Variants in EP300 observed in about 807,000 individuals in gnomAD.
The protein encoded by EP300 is EP300 lysine acetyltransferase, also known as histone acetyltransferase p300.
EP300 carries 31 observed loss-of-function variants against 264.0 expected under a neutral mutation model. The ratio of observed to expected loss-of-function variants is 0.12; its 90% CI spans 0.09 to 0.16. The LOEUF (loss-of-function observed/expected upper bound fraction) is 0.16, where lower values mean the gene tolerates loss of function less well. Ranked by LOEUF, EP300 falls within the 10% of genes least tolerant of loss-of-function variation. The probability of loss-of-function intolerance (pLI) is 1.00; values close to 1 mark genes in which losing one functional copy is unlikely to be tolerated. For missense variants in EP300, 2,766 were observed against 3,052.9 expected, an observed-to-expected ratio of 0.91 and a Z score of 2.21; for synonymous variants, 1,340 against 1,045.4, an observed-to-expected ratio of 1.28 and a Z score of -5.44.
At chr22:41,157,073 C>T (rs2059081415) in intron 17 of EP300, 96 bp from the exon 18 acceptor site, 3 of 1,509,610 alleles carry the variant, frequency 2.0e-6, no homozygotes, top group African/African-American at 2.8e-5. Flanking sequence ...GAAACTAAAA[C>T]ACTGCCTGGA....
At chr22:41,141,602 CATA>C (rs1279521949) in intron 10 of EP300, among the ~76,000 whole-genome samples, 1 of 151,970 alleles carries the variant, frequency 6.6e-6, no homozygotes, top group Non-Finnish European at 1.5e-5. Flanking sequence ...CTGTAACACA[CATA>C]ATATCATATT....
At chr22:41,110,117 G>GGCCCC (rs1332250880) in intron 1 of EP300, among the ~76,000 whole-genome samples, 1 of 65,514 alleles carries the variant, frequency 1.5e-5, no homozygotes. Context: ...CCTGTTCCCT[G>GGCCCC]CCCCCCCCCC....
At chr22:41,102,589 G>A in intron 1 of EP300, among the ~76,000 whole-genome samples, 1 of 152,132 alleles carries the variant, frequency 6.6e-6, no homozygotes, top group Middle Eastern at 3.2e-3. Flanking sequence ...AATGGATGGG[G>A]CAGAATTGTG....
intron 3 of EP300, chr22:41,126,338 C>A (rs1053031661): frequency 3.0e-6 from 1 of 336,594 alleles, no homozygotes; most frequent in Non-Finnish European, 5.5e-6. Context: ...CGTTTCCATA[C>A]GATACGAAAG....
intron 29 of EP300, among the ~76,000 whole-genome samples, chr22:41,174,191 G>T (rs2059187156): frequency 6.6e-6 from 1 of 152,172 alleles, no homozygotes. Context: ...CAGCACTTTG[G>T]AGGTTGAGGC....
intron 2 of EP300, among the ~76,000 whole-genome samples, chr22:41,121,473 C>G (rs141687763): frequency 2.4e-4 from 37 of 152,210 alleles, no homozygotes; most frequent in African/African-American, 8.9e-4. Flanking sequence ...CTCAGCAGAT[C>G]TGTGTGGGAG....
intron 6 of EP300, among the ~76,000 whole-genome samples, chr22:41,133,154 C>CT (rs1474465026): frequency 1.0e-4 from 5 of 47,952 alleles, no homozygotes; most frequent in African/African-American, 2.8e-4. Flanking sequence ...TAAGATTATC[C>CT]CCCCCCCCAC....
intron 23 of EP300, among the ~76,000 whole-genome samples, chr22:41,167,584 G>GTATGTA (rs2059143930): frequency 8.7e-5 from 3 of 34,502 alleles, no homozygotes; most frequent in African/African-American, 3.2e-4. Context: ...GTGTGTGTGT[G>GTATGTA]TATATATATA....
intron 6 of EP300, among the ~76,000 whole-genome samples, chr22:41,133,270 G>A (rs1341618908): frequency 6.7e-6 from 1 of 149,732 alleles, no homozygotes; most frequent in Non-Finnish European, 1.5e-5. Flanking sequence ...AGTTCTTCCT[G>A]CCTCAGCCTC....
chr22:41,140,897 C>A, intron 9 of EP300, 151 bp from the exon 10 acceptor site: 1 of 700,058 alleles, frequency 1.4e-6, no homozygotes, highest in African/African-American at 1.8e-5. Flanking sequence ...AGATTCTCTA[C>A]ATAAGTTGAA....
intron 16 of EP300, among the ~76,000 whole-genome samples, chr22:41,153,192 C>G (rs1184044568): frequency 6.6e-6 from 1 of 152,146 alleles, no homozygotes; most frequent in Non-Finnish European, 1.5e-5. Flanking sequence ...GCAGAGTGCT[C>G]AAATCCAGCC....
intron 8 of EP300, 47 bp downstream of exon 8, chr22:41,137,837 C>G (rs1009528270): frequency 1.9e-6 from 3 of 1,613,016 alleles, no homozygotes; most frequent in Non-Finnish European, 2.5e-6. Flanking sequence ...GATGTTACGT[C>G]AACATGTTTT....
intron 28 of EP300, among the ~76,000 whole-genome samples, chr22:41,173,411 T>TAAA (rs750588912): frequency 2.6e-5 from 4 of 152,168 alleles, no homozygotes; most frequent in African/African-American, 4.8e-5. Context: ...GGCAAAAAGC[T>TAAA]AAAGGGCTGC....
rs1360412888 is a variant in EP300, at chr22:41,176,398, T to A, written c.4931T>A (p.Leu1644His). 1 of 1,614,154 alleles carries A rather than the reference T, an allele frequency of 6.2e-7. No individual in the cohort carries two copies. Among genetic ancestry groups the A allele is most frequent in the South Asian group, 1.1e-5 (1 of 91,084 alleles). Residue 1644 changes from leucine (L) to histidine (H), a missense_variant, in exon 30 of 31, where the codon CTC (leucine) becomes CAC (histidine). Transcript: ENST00000263253. ...ARDKHLEFSS[L>H]RRAQWSTMCM... is the part of the protein sequence containing the mutation. ...GACAAGCACCTGGAGTTCTCTTCAC[T>A]CCGAAGAGCCCAGTGGTCCACCATG...
chr22:41,155,721 T>C (rs1230579788), intron 17 of EP300, among the ~76,000 whole-genome samples: 2 of 152,238 alleles, frequency 1.3e-5, no homozygotes, highest in African/African-American at 4.8e-5. Context: ...AATTGGAACA[T>C]ACAGTATGTG....
In EP300 at chr22:41,168,796, T is replaced by C. The variant is rs745597099; in HGVS notation, c.4101T>C (p.Asp1367=). 7 of 1,614,170 alleles carry C rather than the reference T, an allele frequency of 4.3e-6. No individual in the cohort carries two copies. The highest frequency in any genetic ancestry group is 5.9e-6 in the Non-Finnish European group (7 of 1,180,026). Residue 1367 remains aspartate, a synonymous_variant, in exon 25 of 31, where the codon GAT becomes GAC. Transcript: ENST00000263253. ...CCCTCTTTGCCTTTGAAGAAATTGA[T>C]GGTGTTGACCTGTGCTTCTTTGGCA... is the stretch of plus-strand genomic sequence containing the variant. The part of the protein sequence containing the change: ...TKALFAFEEI[D]GVDLCFFGMH...
At chr22:41,140,495 G>A (rs2058976247) in intron 9 of EP300, among the ~76,000 whole-genome samples, 1 of 152,104 alleles carries the variant, frequency 6.6e-6, no homozygotes, top group Non-Finnish European at 1.5e-5. Context: ...TTATCTGGTT[G>A]TCCTGTCAAC....
chr22:41,137,251 A>G (rs987990659), intron 7 of EP300, among the ~76,000 whole-genome samples: 2 of 142,880 alleles, frequency 1.4e-5, no homozygotes, highest in Admixed American at 1.4e-4. Context: ...CACCAACTCA[A>G]GAGGCTGAGG....
Position 41,179,877 on chromosome 22 carries a change from CACTCACACACACACACACACA to C in EP300, c.*922_*942del, listed in dbSNP as rs886057582. ...CTTTCTTCCTCCTTACCCTACCCCC[CACTCACACACACACACACACA>C]CACACACACACACACACACACACAC... On this transcript the variant is annotated 3_prime_UTR_variant, in exon 31 of 31. Coordinates refer to ENST00000263253, the MANE Select transcript of EP300 (RefSeq NM_001429.4). 2.1e-5 allele frequency: 3 copies of C among 145,766 alleles called. No homozygotes were observed. Among genetic ancestry groups the C allele is most frequent in the East Asian group, 1.9e-4 (2 of 10,750 alleles). 9.0% of individuals were successfully genotyped at this position (145,766 alleles called of 1,614,324 possible). A position where few individuals can be genotyped will look rare whatever the true frequency, so the allele number is the denominator to read the frequency against.
Sources: gnomAD v4.1 joint callset for allele counts (sites outside exome capture counted in the v4.1 genomes callset) on GRCh38, gnomAD v4.1.1 for gene constraint, MANE v1.5 for transcripts, NCBI Gene and HGNC (gene_info 2026-07-23, HGNC 2026-07-21) for gene names.